Variants in FITM2 observed in about 807,000 individuals in gnomAD.
The protein encoded by FITM2 is fat storage inducing transmembrane protein 2, also known as acyl-coenzyme A diphosphatase FITM2.
FITM2 carries 16 observed loss-of-function variants against 23.3 expected under a neutral mutation model. The ratio of observed to expected loss-of-function variants is 0.69; its 90% confidence interval spans 0.47 to 1.05. The LOEUF is 1.05. Among genes scored for constraint, FITM2 ranks in the 50% least tolerant of loss-of-function variants. FITM2 has a pLI of 0.00. For missense variants in FITM2, 273 were observed against 327.5 expected, an observed-to-expected ratio of 0.83 and a Z score of 1.29; for synonymous variants, 132 against 142.0, an observed-to-expected ratio of 0.93 and a Z score of 0.50.
At chr20:44,307,290 A>C (rs1314723534) in intron 1 of FITM2, 50 bp from the exon 2 acceptor site, 10 of 1,592,448 alleles carry the variant, frequency 6.3e-6, no homozygotes, top group Non-Finnish European at 8.6e-6. Context: ...GGTGGAGAGG[A>C]CACCATGTCA....
intron 1 of FITM2, among the ~76,000 whole-genome samples, chr20:44,309,222 C>T (rs1406965471): frequency 1.3e-5 from 2 of 151,104 alleles, no homozygotes; most frequent in Non-Finnish European, 2.9e-5. Context: ...CTCTGCCATC[C>T]AGGCTGGAAT....
chr20:44,307,329 G>A, intron 1 of FITM2, 89 bp from the exon 2 acceptor site: 1 of 1,492,240 alleles, frequency 6.7e-7, no homozygotes, highest in South Asian at 1.3e-5. Context: ...TGTCAGGGGA[G>A]GGAAAATGAG....
At position 44,305,348 on chromosome 20, in the gene FITM2, C is replaced by G. The variant is rs1191080774; in HGVS notation, c.*1277G>C. ...AGCATATAGTAATAGAAAACATGGA[C>G]AGAAAATGATCATAGTCCATTACGT... On this transcript the variant is annotated 3_prime_UTR_variant, in exon 2 of 2. Transcript: ENST00000396825. 1 of 152,160 alleles carries G rather than the reference C, an allele frequency of 6.6e-6. No individual in the cohort carries two copies. The highest frequency in any genetic ancestry group is 1.5e-5 in the Non-Finnish European group (1 of 68,034). 9.4% of individuals were successfully genotyped at this position (152,160 alleles called of 1,614,324 possible). A position where few individuals can be genotyped will look rare whatever the true frequency, so the allele number is the denominator to read the frequency against.
At chr20:44,310,536 G>A (rs2062702026) in intron 1 of FITM2, among the ~76,000 whole-genome samples, 1 of 152,184 alleles carries the variant, frequency 6.6e-6, no homozygotes, top group African/African-American at 2.4e-5. Context: ...ACGCGCTGGA[G>A]GGATCTGATC....
chr20:44,310,927 A>G (rs2146092780), intron 1 of FITM2, 49 bp downstream of exon 1: 3 of 1,501,266 alleles, frequency 2.0e-6, no homozygotes, highest in Non-Finnish European at 2.7e-6. Context: ...GGGCGAGGCG[A>G]CAGCGGGCCG....
Position 44,303,460 on chromosome 20 carries a change from C to T in FITM2, c.*3165G>A, listed in dbSNP as rs1020003697. 3 of 152,148 alleles carry T rather than the reference C, an allele frequency of 2.0e-5. No homozygotes were observed. Among genetic ancestry groups the T allele is most frequent in the South Asian group, 2.1e-4 (1 of 4,834 alleles). 9.4% of individuals were successfully genotyped at this position (152,148 alleles called of 1,614,324 possible). On this transcript the variant is annotated 3_prime_UTR_variant, in exon 2 of 2. Coordinates refer to ENST00000396825, the MANE Select transcript of FITM2 (RefSeq NM_001080472.4). The stretch of plus-strand genomic sequence containing the variant: ...CATGGACAAGTGGCGGAAGCCTCAT[C>T]GATACAGAAGGCTCTGCAATTGACA...
intron 1 of FITM2, among the ~76,000 whole-genome samples, chr20:44,307,519 G>A (rs1289745876): frequency 2.0e-5 from 3 of 151,954 alleles, no homozygotes; most frequent in Non-Finnish European, 1.5e-5. Flanking sequence ...TCCGCCTCCC[G>A]GGTTCAAGCA....
Position 44,303,145 on chromosome 20 carries a change from C to T in FITM2, c.*3480G>A, listed in dbSNP as rs751882297. On this transcript the variant is annotated 3_prime_UTR_variant, in exon 2 of 2. Transcript: ENST00000396825. The stretch of plus-strand genomic sequence containing the variant: ...ACCCAAAATATATTCGTTTCTCTGC[C>T]TTCTCTAGAGGAGTCAGAAAGTTCT... 8 of 152,154 alleles carry T rather than the reference C, an allele frequency of 5.3e-5. No individual in the cohort carries two copies. Among genetic ancestry groups the T allele is most frequent in the African/African-American group, 7.2e-5 (3 of 41,444 alleles). 9.4% of individuals were successfully genotyped at this position (152,154 alleles called of 1,614,324 possible).
chr20:44,306,667 C>A lies in FITM2; in HGVS notation c.747G>T (p.Gln249His), dbSNP rs747830099. 1.2e-6 allele frequency: 2 copies of A among 1,614,028 alleles called. No homozygotes were observed. The highest frequency in any genetic ancestry group is 2.2e-5 in the South Asian group (2 of 91,038). Residue 249 changes from glutamine to histidine, a missense_variant, in exon 2 of 2, where the codon CAG becomes CAT. Transcript: ENST00000396825. ...PKAFSPGLPPQSCSLNLKQDS... is the reference protein window; with the variant it reads ...PKAFSPGLPPHSCSLNLKQDS... The stretch of plus-strand genomic sequence containing the variant: ...CTTGCTTCAAATTCAAACTACAGCT[C>A]TGGGGAGGAAGTCCTGGGGAAAAGG...
Position 44,306,989 on chromosome 20 carries a change from T to C in FITM2, c.425A>G (p.Gln142Arg), listed in dbSNP as rs1010863366. The part of the protein sequence containing the change: ...KEHQSKQQCH[Q>R]EGGFWHGFDI... Reference sequence around the variant, plus strand: ...AAAGCCATGCCAAAAGCCCCCTTCCTGGTGGCACTGCTGCTTGCTCTGGTG... The same window carrying C: ...AAAGCCATGCCAAAAGCCCCCTTCCCGGTGGCACTGCTGCTTGCTCTGGTG... Residue 142 changes from glutamine (Q) to arginine (R), a missense_variant, in exon 2 of 2, where the codon CAG becomes CGG. Coordinates refer to ENST00000396825, the MANE Select transcript of FITM2 (RefSeq NM_001080472.4). The C allele has an allele frequency of 2.7e-5, 43 of 1,614,114 alleles. No individual in the cohort carries two copies. The highest frequency in any genetic ancestry group is 3.6e-5 in the Non-Finnish European group (43 of 1,180,046).
intron 1 of FITM2, among the ~76,000 whole-genome samples, chr20:44,310,506 G>A (rs932762731): frequency 3.9e-5 from 6 of 152,152 alleles, no homozygotes; most frequent in African/African-American, 7.2e-5. Flanking sequence ...CTCTTCCACA[G>A]GTCGTAAAGG....
At position 44,308,105 on chromosome 20, in the gene FITM2, AC is replaced by A. The variant is rs2062695847; in HGVS notation, c.174-866del. Among the ~76,000 whole-genome samples, 3 of 150,142 alleles carry A rather than the reference AC, an allele frequency of 2.0e-5. No homozygotes were observed. The South Asian group carries it at 6.6e-4, about 33-fold the overall frequency. The stretch of plus-strand genomic sequence containing the variant: ...CCATCTCAAAAACAAAACAAAACAA[AC>A]GAAAAAAAACAACTCTATGAGTTAA... On this transcript the variant is annotated intron_variant, in intron 1 of 1. Transcript: ENST00000396825.
rs1356843789 is a variant in FITM2, at chr20:44,305,256, C to A, written c.*1369G>T. The A allele has an allele frequency of 6.6e-6, 1 of 152,094 alleles. No homozygotes were observed. The highest frequency in any genetic ancestry group is 1.5e-5 in the Non-Finnish European group (1 of 68,028). 9.4% of individuals were successfully genotyped at this position (152,094 alleles called of 1,614,324 possible). A position where few individuals can be genotyped will look rare whatever the true frequency, so the allele number is the denominator to read the frequency against. On this transcript the variant is annotated 3_prime_UTR_variant, in exon 2 of 2. Transcript: ENST00000396825. ...AAAGAACAAATGTCACAGTTCTTAT[C>A]AAAAACTGTAAAGGATTCGCTCAAA... is the stretch of plus-strand genomic sequence containing the variant.
Position 44,306,524 on chromosome 20 carries a change from C to A in FITM2, c.*101G>T. The A allele has an allele frequency of 6.7e-7, 1 of 1,497,670 alleles. No homozygotes were observed. Among genetic ancestry groups the A allele is most frequent in the Non-Finnish European group, 8.9e-7 (1 of 1,120,040 alleles). The allele number at this position is 1,497,670 out of a possible 1,614,324, so 92.8% of individuals were successfully genotyped here. ...CCACCAAAACTGCCTGGTACACTTT[C>A]CCTCTGAAGTAGGATCAATAATTTA... On this transcript the variant is annotated 3_prime_UTR_variant, in exon 2 of 2. Coordinates refer to ENST00000396825, the MANE Select transcript of FITM2 (RefSeq NM_001080472.4).
At position 44,307,173 on chromosome 20, in the gene FITM2, A is replaced by T; in HGVS notation, c.241T>A (p.Tyr81Asn). The change falls in exon 2 of 2, where the codon TAC becomes AAC. Residue 81 changes from tyrosine to asparagine, a missense_variant. Tyr to Asn is a moderately radical substitution (Grantham distance 143). Transcript: ENST00000396825. ...AAGCCAGCCTTGCCGGTCAGATGGT[A>T]GTTGGTGAGGGCAATGAAAGGCAGA... ...LLLPFIALTN[Y>N]HLTGKAGLVL... 6.2e-7 allele frequency: 1 copy of T among 1,614,176 alleles called. No homozygotes were observed. Among genetic ancestry groups the T allele is most frequent in the Non-Finnish European group, 8.5e-7 (1 of 1,180,036 alleles).
Position 44,304,266 on chromosome 20 carries a change from T to C in FITM2, c.*2359A>G, listed in dbSNP as rs2062684118. On this transcript the variant is annotated 3_prime_UTR_variant, in exon 2 of 2. Transcript: ENST00000396825. ...AGTTAATGCTACTATTGGACTTGAT[T>C]GGAGAGAGGGGCATCAAGGCGGCCT... 6.6e-6 allele frequency: 1 copy of C among 152,116 alleles called. No individual in the cohort carries two copies. The highest frequency in any genetic ancestry group is 2.4e-5 in the African/African-American group (1 of 41,398). The allele number at this position is 152,116 out of a possible 1,614,324, so 9.4% of individuals were successfully genotyped here.
rs1312760317 is a variant in FITM2 at position 44,302,997 on chromosome 20, T to C, written c.*3628A>G. 2 of 152,116 alleles carry C rather than the reference T, an allele frequency of 1.3e-5. No individual in the cohort carries two copies. Among genetic ancestry groups the C allele is most frequent in the Non-Finnish European group, 1.5e-5 (1 of 68,034 alleles). 9.4% of individuals were successfully genotyped at this position (152,116 alleles called of 1,614,324 possible). On this transcript the variant is annotated 3_prime_UTR_variant, in exon 2 of 2. Coordinates refer to ENST00000396825, the MANE Select transcript of FITM2 (RefSeq NM_001080472.4). ...AGGCGTCAGTGAATTAATCTCAACA[T>C]AGAAAGGCAAAATAAGCATGGCAGT...
chr20:44,311,031 C>A lies in FITM2; in HGVS notation c.118G>T (p.Glu40Ter). Reference sequence around the variant, plus strand: ...TAGCTCTCGGGCAACGGGGACAACTCCTTGAGGAGGGAGCCCGCCAGCATG... The same window carrying A: ...TAGCTCTCGGGCAACGGGGACAACTACTTGAGGAGGGAGCCCGCCAGCATG... The part of the protein sequence containing the change: ...ASMLAGSLLK[E>*]LSPLPESYLS... The change falls in exon 1 of 2, where the codon GAG becomes TAG. Residue 40 changes from glutamate (E) to a stop codon, truncating the protein, a stop_gained. Coordinates refer to ENST00000396825, the MANE Select transcript of FITM2 (RefSeq NM_001080472.4). LOFTEE classifies it high-confidence loss of function. The A allele has an allele frequency of 6.3e-7, 1 of 1,591,118 alleles. No homozygotes were observed. Among genetic ancestry groups the A allele is most frequent in the Middle Eastern group, 1.7e-4 (1 of 5,920 alleles).
chr20:44,306,807 C>A lies in FITM2; in HGVS notation c.607G>T (p.Val203Leu), dbSNP rs775521222. The change falls in exon 2 of 2, where the codon GTG (valine) becomes TTG (leucine). Residue 203 changes from valine (V) to leucine (L), a missense_variant. By Grantham distance (32) the Val-to-Leu change is conservative. This residue lies in a region of FITM2 where 117 missense variants were observed against 183.3 expected (regional missense o/e 0.64). Coordinates refer to ENST00000396825, the MANE Select transcript of FITM2 (RefSeq NM_001080472.4). ...ACAGCTGTGCACAGAAACATCAACA[C>A]CCAGATGAAAGTCAGAATGCCCAGG... ...VALGILTFIW[V>L]LMFLCTAVYF... The A allele has an allele frequency of 1.9e-6, 3 of 1,614,162 alleles. No individual in the cohort carries two copies. In the South Asian group the frequency reaches 3.3e-5, roughly 18 times the overall value.
Sources: allele counts gnomAD v4.1 joint callset (sites outside exome capture counted in the v4.1 genomes callset), GRCh38; gene constraint gnomAD v4.1.1; regional missense constraint gnomAD v4.1.1; transcripts MANE v1.5; gene names NCBI Gene and HGNC (gene_info 2026-07-23, HGNC 2026-07-21).